The following C11orf21 variants were observed in gnomAD, a reference collection of about 807,000 sequenced individuals.
C11orf21 encodes the protein uncharacterized protein C11orf21.
C11orf21 carries 19 observed loss-of-function variants against 15.2 expected under a neutral mutation model. The observed-to-expected ratio is 1.25, with a 90% CI of 0.87 to 1.84. C11orf21 has a LOEUF of 1.84. Ranked by LOEUF, C11orf21 falls within the 40% of genes most tolerant of loss-of-function variation. The pLI, the probability that C11orf21 is intolerant of heterozygous loss-of-function variation, is 0.00. For synonymous variants in C11orf21, 62 were observed against 66.8 expected (o/e 0.93, Z 0.35); for missense variants, 171 against 174.4 (o/e 0.98, Z 0.11).
At chr11:2,302,276 C>T (rs1283960572), upstream of C11orf21, 6 of 1,322,662 alleles carry the variant, frequency 4.5e-6, no homozygotes, top group Non-Finnish European at 5.9e-6. Flanking sequence ...TGAGGGGTGG[C>T]AGGGCCTCAG....
Position 2,300,555 on chromosome 11 carries a change from A to G in C11orf21, c.112T>C (p.Trp38Arg). ...SQSGVEPPDR[W>R]TGTPGWPSRD... ...GAGGGCCAGCCGGGGGTTCCCGTCCACCTGTCAGGGGGTTCGACGCCACTT... is the reference window on the plus strand; with the variant it reads ...GAGGGCCAGCCGGGGGTTCCCGTCCGCCTGTCAGGGGGTTCGACGCCACTT... The change falls in exon 2 of 4, where the codon TGG (tryptophan) becomes CGG (arginine). Residue 38 changes from tryptophan to arginine, a missense_variant. Coordinates refer to ENST00000381153, the MANE Select transcript of C11orf21 (RefSeq NM_001329958.2). 1.3e-6 allele frequency: 2 copies of G among 1,549,092 alleles called. No individual in the cohort carries two copies. Among genetic ancestry groups the G allele is most frequent in the Non-Finnish European group, 1.7e-6 (2 of 1,146,360 alleles).
chr11:2,299,816 A>G, intron 2 of C11orf21, 109 bp from the exon 3 acceptor site: 2 of 635,078 alleles, frequency 3.1e-6, no homozygotes, highest in East Asian at 3.4e-5. Context: ...ATATGCATGC[A>G]CACACATCCA....
upstream of C11orf21, chr11:2,302,810 C>T (rs761607007): frequency 2.7e-5 from 42 of 1,582,320 alleles, no homozygotes; most frequent in Non-Finnish European, 3.3e-5. Context: ...GCAGCAGTCC[C>T]ATGCCCCACA....
chr11:2,301,986 T>G, upstream of C11orf21: 6 of 1,492,774 alleles, frequency 4.0e-6, no homozygotes, highest in South Asian at 4.0e-5. Context: ...CCTGCCCTTC[T>G]TCCGGGGCAC....
rs1183231624 is a variant in C11orf21 at position 2,297,132 on chromosome 11, A to C, written c.*818T>G. ...CTGCAGGGATGGCCCTGAGTAGGACACACAGCTCCCGAGACCCCTCACTGG... is the reference window on the plus strand; with the variant it reads ...CTGCAGGGATGGCCCTGAGTAGGACCCACAGCTCCCGAGACCCCTCACTGG... On this transcript the variant is annotated 3_prime_UTR_variant, in exon 4 of 4. Coordinates refer to ENST00000381153, the MANE Select transcript of C11orf21 (RefSeq NM_001329958.2). The C allele has an allele frequency of 1.3e-5, 2 of 152,330 alleles. No homozygotes were observed. Among genetic ancestry groups the C allele is most frequent in the East Asian group, 1.9e-4 (1 of 5,186 alleles). The allele number at this position is 152,330 out of a possible 1,614,324, so 9.4% of individuals were successfully genotyped here. A position where few individuals can be genotyped will look rare whatever the true frequency, so the allele number is the denominator to read the frequency against.
At chr11:2,301,212 G>A in intron 1 of C11orf21, 1 of 239,902 alleles carries the variant, frequency 4.2e-6, no homozygotes, top group Non-Finnish European at 8.3e-6. Flanking sequence ...TGCAGGTCTT[G>A]GGGCCCCCTC....
chr11:2,302,776 G>A (rs778492426), upstream of C11orf21: 47 of 1,365,578 alleles, frequency 3.4e-5, no homozygotes, highest in Non-Finnish European at 4.5e-5. Context: ...AACCCTGCCC[G>A]CTGGGGCCGA....
intron 2 of C11orf21, among the ~76,000 whole-genome samples, chr11:2,299,945 C>T (rs1246826485): frequency 6.6e-6 from 1 of 151,040 alleles, no homozygotes; most frequent in Non-Finnish European, 1.5e-5. Context: ...GGGGCCCAGC[C>T]CTTAGGACAG....
At chr11:2,302,155 G>T, upstream of C11orf21, 1 of 1,448,394 alleles carries the variant, frequency 6.9e-7, no homozygotes. Flanking sequence ...CCGTCATGGG[G>T]CCTTGGAGTC....
intron 2 of C11orf21, among the ~76,000 whole-genome samples, chr11:2,300,085 G>A (rs1239355336): frequency 2.4e-5 from 3 of 123,094 alleles, no homozygotes; most frequent in African/African-American, 6.2e-5. Flanking sequence ...GGGCAGGGGT[G>A]TGTGGGGTGG....
intron 2 of C11orf21, among the ~76,000 whole-genome samples, chr11:2,300,076 G>A (rs73404479): frequency 5.5e-5 from 7 of 127,726 alleles, no homozygotes; most frequent in Admixed American, 4.8e-4. Context: ...AGAGCAGGTG[G>A]GCAGGGGTGT....
upstream of C11orf21, chr11:2,302,788 C>G (rs746200890): frequency 6.1e-6 from 9 of 1,480,412 alleles, no homozygotes; most frequent in Non-Finnish European, 7.5e-6. Flanking sequence ...TGGGGCCGAG[C>G]TCCCTGCTCC....
Position 2,299,640 on chromosome 11 carries a change from G to C in C11orf21, c.215C>G (p.Pro72Arg). 1 of 1,551,172 alleles carries C rather than the reference G, an allele frequency of 6.4e-7. No homozygotes were observed. Among genetic ancestry groups the C allele is most frequent in the Non-Finnish European group, 8.7e-7 (1 of 1,146,954 alleles). ...ATCCACAGGTTCATGAGCGGTGGCA[G>C]GTGGAACAAGGGCACCATGGGCGGA... is the stretch of plus-strand genomic sequence containing the variant. ...QPSAHGALVP[P>R]ATAHEPVDHP... Residue 72 changes from proline to arginine, a missense_variant, in exon 3 of 4, where the codon CCT (proline) becomes CGT (arginine). Pro to Arg is a moderately radical substitution (Grantham distance 103, BLOSUM62 -2). Transcript: ENST00000381153.
Position 2,299,741 on chromosome 11 carries a change from G to T in C11orf21, c.148-34C>A. 9 of 1,547,246 alleles carry T rather than the reference G, an allele frequency of 5.8e-6. No homozygotes were observed. In the East Asian group the frequency reaches 2.2e-4, roughly 38 times the overall value. On this transcript the variant is annotated intron_variant, in intron 2 of 3. Coordinates refer to ENST00000381153, the MANE Select transcript of C11orf21 (RefSeq NM_001329958.2). ...TAAGGACATTGTAGAGTGAGCGGGC[G>T]CACCTGGGACCCAGGAATTCACAGG...
rs1314911001 is a variant in C11orf21, at chr11:2,301,758, C to T, written c.51G>A (p.Arg17=). ...GMWRRRRPGR[R]SAVPRWPHLS... is the part of the protein sequence containing the mutation. ...CACTCCCAGGACGGGGAGCTCACCT[C>T]CTCCTCCCCGGGCGCCGTCTCCTCC... The change falls in exon 1 of 4, where the codon AGG becomes AGA. Residue 17 remains arginine, a splice_region_variant and synonymous_variant. Transcript: ENST00000381153. 2 of 1,548,236 alleles carry T rather than the reference C, an allele frequency of 1.3e-6. No individual in the cohort carries two copies. Among genetic ancestry groups the T allele is most frequent in the Admixed American group, 2.0e-5 (1 of 50,972 alleles).
At chr11:2,300,462 G>A in intron 2 of C11orf21, 58 bp downstream of exon 2, 2 of 1,114,960 alleles carry the variant, frequency 1.8e-6, no homozygotes, top group Non-Finnish European at 2.6e-6. Flanking sequence ...GGGCGTGGGG[G>A]TTCCACCGGC....
At chr11:2,302,131 G>GGAGAGGAGAC, upstream of C11orf21, 1 of 1,478,618 alleles carries the variant, frequency 6.8e-7, no homozygotes, top group Non-Finnish European at 9.0e-7. Flanking sequence ...GGGGAGGAGA[G>GGAGAGGAGAC]GAGAGGAGAG....
chr11:2,296,861 C>G lies in C11orf21; in HGVS notation c.*1089G>C, dbSNP rs1201339945. 1 of 152,396 alleles carries G rather than the reference C, an allele frequency of 6.6e-6. No homozygotes were observed. The highest frequency in any genetic ancestry group is 6.5e-5 in the Admixed American group (1 of 15,290). The allele number at this position is 152,396 out of a possible 1,614,324, so 9.4% of individuals were successfully genotyped here. ...AGCTCCCAACTGGGACACCCCTGAC[C>G]AGCTCACTCTTATTTTGTCTGCCCT... On this transcript the variant is annotated 3_prime_UTR_variant, in exon 4 of 4. Coordinates refer to ENST00000381153, the MANE Select transcript of C11orf21 (RefSeq NM_001329958.2). This position sits in a 1 kb window ranked among gnomAD's most constrained non-coding sequence, Gnocchi z 5.6.
chr11:2,301,859 C>T lies in C11orf21; in HGVS notation c.-51G>A, dbSNP rs188839109. Reference sequence around the variant, plus strand: ...TCAGTGGCCACACCAAGAACGAGGCCATGTCTTCCTGGGAAGGGCCTCAGA... The same window carrying T: ...TCAGTGGCCACACCAAGAACGAGGCTATGTCTTCCTGGGAAGGGCCTCAGA... On this transcript the variant is annotated 5_prime_UTR_variant, in exon 1 of 4. The change abolishes an upstream ATG in the 5' untranslated region. Transcript: ENST00000381153. The T allele has an allele frequency of 0.012, 18,534 of 1,550,290 alleles. 129 individuals carry two copies. Among genetic ancestry groups the T allele is most frequent in the Middle Eastern group, 0.02 (119 of 5,984 alleles).
Sources: gnomAD v4.1 joint callset for allele counts (sites outside exome capture counted in the v4.1 genomes callset) on GRCh38, gnomAD v4.1.1 for gene constraint, Gnocchi (gnomAD v3.1) non-coding constraint, MANE v1.5 for transcripts, NCBI Gene and HGNC (gene_info 2026-07-23, HGNC 2026-07-21) for gene names.